The following KIAA0825 variants were observed in gnomAD, a reference collection of about 807,000 sequenced individuals.
The protein encoded by KIAA0825 is uncharacterized protein KIAA0825.
In KIAA0825, 119 loss-of-function variants were observed where a neutral mutation model predicts 147.6. That is an observed-to-expected ratio of 0.81 (90% CI 0.69 to 0.94). KIAA0825 has a LOEUF of 0.94. KIAA0825 is among the 40% of genes least tolerant of loss of function. KIAA0825 has a pLI of 0.00. For synonymous variants in KIAA0825, 470 were observed against 518.1 expected (o/e 0.91, Z 1.26); for missense variants, 1,381 against 1,472.7 (o/e 0.94, Z 1.02).
intron 14 of KIAA0825, among the ~76,000 whole-genome samples, chr5:94,429,511 A>T (rs956232466): frequency 1.3e-5 from 2 of 152,098 alleles, no homozygotes; most frequent in African/African-American, 2.4e-5. Context: ...AATTCAACAT[A>T]CAAGCCCATA....
intron 20 of KIAA0825, among the ~76,000 whole-genome samples, chr5:94,284,087 T>C (rs898487073): frequency 4.6e-5 from 7 of 152,176 alleles, no homozygotes; most frequent in Non-Finnish European, 4.4e-5. Context: ...AATAAACTTG[T>C]ATTGTAAAAA....
chr5:94,525,093 A>G (rs1769014891), intron 3 of KIAA0825, among the ~76,000 whole-genome samples: 2 of 151,812 alleles, frequency 1.3e-5, no homozygotes, highest in Admixed American at 1.3e-4. Context: ...AAACAGGCAA[A>G]TTCCTTTGAA....
At chr5:94,503,904 A>T (rs1584708438) in intron 5 of KIAA0825, among the ~76,000 whole-genome samples, 1 of 152,318 alleles carries the variant, frequency 6.6e-6, no homozygotes, top group South Asian at 2.1e-4. Context: ...GCTAGACTTC[A>T]TCTTTAGTTC....
chr5:94,180,247 C>T (rs931119782), intron 20 of KIAA0825, among the ~76,000 whole-genome samples: 6 of 151,984 alleles, frequency 3.9e-5, no homozygotes, highest in African/African-American at 1.2e-4. Flanking sequence ...CTCAATAACA[C>T]ATAACTTTAA....
chr5:94,332,471 C>T (rs559211751), intron 20 of KIAA0825, among the ~76,000 whole-genome samples: 7 of 152,052 alleles, frequency 4.6e-5, no homozygotes, highest in African/African-American at 9.7e-5. Context: ...CGAGAAAATG[C>T]GGTGTTTGGT....
At chr5:94,333,523 G>T (rs961177752) in intron 20 of KIAA0825, among the ~76,000 whole-genome samples, 1 of 152,158 alleles carries the variant, frequency 6.6e-6, no homozygotes, top group Non-Finnish European at 1.5e-5. Flanking sequence ...GTTTGTCAAA[G>T]ATCAGATGGT....
chr5:94,238,318 T>C (rs1775169014), intron 20 of KIAA0825, among the ~76,000 whole-genome samples: 1 of 152,202 alleles, frequency 6.6e-6, no homozygotes, highest in Non-Finnish European at 1.5e-5. Context: ...AAAAGTCAGT[T>C]GAAAGTGATA....
At chr5:94,430,348 T>G (rs28689996) in intron 14 of KIAA0825, among the ~76,000 whole-genome samples, 2,007 of 152,276 alleles carry the variant, frequency 0.013, 58 homozygotes, top group African/African-American at 0.046. Context: ...TAAAATCAAG[T>G]AACAAAACAT....
At chr5:94,542,974 C>T (rs1439810739) in intron 2 of KIAA0825, among the ~76,000 whole-genome samples, 1 of 152,084 alleles carries the variant, frequency 6.6e-6, no homozygotes, top group African/African-American at 2.4e-5. Flanking sequence ...GGAGAACTGG[C>T]CTCATACCTT....
intron 20 of KIAA0825, among the ~76,000 whole-genome samples, chr5:94,194,411 A>G (rs936045310): frequency 2.0e-5 from 3 of 152,056 alleles, no homozygotes; most frequent in Non-Finnish European, 2.9e-5. Flanking sequence ...ACTGAGTTTA[A>G]CTATCACCAT....
At chr5:94,442,384 C>A (rs116491165) in intron 13 of KIAA0825, among the ~76,000 whole-genome samples, 1,865 of 152,232 alleles carry the variant, frequency 0.012, 16 homozygotes, top group Non-Finnish European at 0.019. Context: ...AGCTAGGAAA[C>A]CTCCTGCCTT....
intron 12 of KIAA0825, among the ~76,000 whole-genome samples, chr5:94,461,500 C>T (rs981589046): frequency 6.6e-6 from 1 of 151,908 alleles, no homozygotes; most frequent in Non-Finnish European, 1.5e-5. Context: ...TGAAAGAATG[C>T]TCCATTTCTA....
At chr5:94,258,397 GAGGCATTTGCCAATAGAATA>G (rs1035804381) in intron 20 of KIAA0825, among the ~76,000 whole-genome samples, 15 of 152,034 alleles carry the variant, frequency 9.9e-5, no homozygotes, top group Admixed American at 5.9e-4. Context: ...TAGTTCTGTG[GAGGCATTTGCCAATAGAATA>G]AGGCATTTGC....
intron 2 of KIAA0825, among the ~76,000 whole-genome samples, chr5:94,564,460 G>GTGTA (rs1226028630): frequency 8.2e-6 from 1 of 122,414 alleles, no homozygotes; most frequent in East Asian, 2.4e-4. Flanking sequence ...ATTTTTGAGT[G>GTGTA]TGTGTGTGTG....
At position 94,396,515 on chromosome 5, in the gene KIAA0825, GAAGAA is replaced by G. The variant is rs761931131; in HGVS notation, c.2888-11_2888-7del. The G allele has an allele frequency of 3.4e-6, 5 of 1,469,498 alleles. No individual in the cohort carries two copies. Among genetic ancestry groups the G allele is most frequent in the Non-Finnish European group, 3.6e-6 (4 of 1,111,726 alleles). 91.0% of individuals were successfully genotyped at this position (1,469,498 alleles called of 1,614,324 possible). A position where few individuals can be genotyped will look rare whatever the true frequency, so the allele number is the denominator to read the frequency against. On this transcript the variant is annotated splice_polypyrimidine_tract_variant and splice_region_variant and intron_variant, in intron 16 of 20. Transcript: ENST00000682413. ...AGCAGTAAGCCTTGTGAAGCCTGGG[GAAGAA>G]AAGAAAAGGTATGATTAATATTAGC...
chr5:94,468,108 T>C (rs1183483817), intron 10 of KIAA0825, among the ~76,000 whole-genome samples: 1 of 152,224 alleles, frequency 6.6e-6, no homozygotes, highest in Non-Finnish European at 1.5e-5. Flanking sequence ...GTTATTTCCG[T>C]CTTTGAAGCT....
intron 5 of KIAA0825, among the ~76,000 whole-genome samples, chr5:94,492,573 G>A (rs1763860014): frequency 6.6e-6 from 1 of 152,084 alleles, no homozygotes; most frequent in Admixed American, 6.5e-5. Flanking sequence ...CCCCATGACT[G>A]CATTCCCATT....
At chr5:94,376,503 G>A (rs1485083425) in intron 20 of KIAA0825, among the ~76,000 whole-genome samples, 1 of 152,142 alleles carries the variant, frequency 6.6e-6, no homozygotes, top group Non-Finnish European at 1.5e-5. Context: ...TAATACACCT[G>A]TATTAGTTTG....
At position 94,565,095 on chromosome 5, in the gene KIAA0825, C is replaced by CTTTTTTTTTTTTTTTTTTTTT. The variant is rs1176429699; in HGVS notation, c.-2+17337_-2+17338insAAAAAAAAAAAAAAAAAAAAA. The stretch of plus-strand genomic sequence containing the variant: ...CTCTTTCTCTCTCTTTCTTGCTTTC[C>CTTTTTTTTTTTTTTTTTTTTT]TTTTTTTTTTTTTTTTTTGGTAGAG... On this transcript the variant is annotated intron_variant, in intron 2 of 20. Coordinates refer to ENST00000682413, the MANE Select transcript of KIAA0825 (RefSeq NM_001145678.3). Among the ~76,000 whole-genome samples the CTTTTTTTTTTTTTTTTTTTTT allele has an allele frequency of 2.1e-3, 112 of 52,912 alleles. 10 individuals are homozygous for CTTTTTTTTTTTTTTTTTTTTT. The highest frequency in any genetic ancestry group is 3.1e-3 in the Non-Finnish European group (84 of 27,314). The allele number at this position is 52,912 out of a possible 152,430, so 34.7% of individuals were successfully genotyped here.
Sources: gnomAD v4.1 joint callset for allele counts (sites outside exome capture counted in the v4.1 genomes callset) on GRCh38, gnomAD v4.1.1 for gene constraint, MANE v1.5 for transcripts, NCBI Gene and HGNC (gene_info 2026-07-23, HGNC 2026-07-21) for gene names.